POU5F1: variants seen among roughly 807,000 people sequenced by gnomAD.
POU5F1 encodes the protein POU domain, class 5, transcription factor 1.
Under a neutral mutation model 38.3 loss-of-function variants are expected in POU5F1, and 6 were observed. That is an observed-to-expected ratio of 0.16 (90% CI 0.09 to 0.31). The LOEUF is 0.31. POU5F1 is among the 10% of genes least tolerant of loss of function. The pLI is 1.00. For missense variants in POU5F1, 286 were observed against 462.6 expected, an observed-to-expected ratio of 0.62 and a Z score of 3.50; for synonymous variants, 147 against 194.9, an observed-to-expected ratio of 0.75 and a Z score of 2.05.
chr6:31,170,157 A>G, intron 1 of POU5F1, 59 bp downstream of exon 1: 1 of 1,611,544 alleles, frequency 6.2e-7, no homozygotes. Context: ...CCACTTCCCC[A>G]TCAGGCTGCC....
In POU5F1 at chr6:31,170,426, C is replaced by T. The variant is rs747375993; in HGVS notation, c.195G>A (p.Pro65=). The change falls in exon 1 of 5, where the codon CCG becomes CCA. Residue 65 remains proline (P), a synonymous_variant. Coordinates refer to ENST00000259915, the MANE Select transcript of POU5F1 (RefSeq NM_002701.6). ...CCATCCCCCCACAGAACTCATACGG[C>T]GGGGGGCATGGGGGAATCCCCCACA... ...SEVWGIPPCP[P]PYEFCGGMAY... The T allele has an allele frequency of 1.7e-5, 28 of 1,611,752 alleles. No individual in the cohort carries two copies. Among genetic ancestry groups the T allele is most frequent in the Non-Finnish European group, 2.0e-5 (24 of 1,179,624 alleles).
intron 1 of POU5F1, among the ~76,000 whole-genome samples, chr6:31,167,906 T>C (rs1037233658): frequency 4.0e-5 from 6 of 151,786 alleles, no homozygotes; most frequent in African/African-American, 1.5e-4. Flanking sequence ...GTTGCAGACA[T>C]AGTGACTTTG....
intron 1 of POU5F1, among the ~76,000 whole-genome samples, chr6:31,169,346 G>A (rs1424426053): frequency 6.6e-6 from 1 of 152,214 alleles, no homozygotes; most frequent in Non-Finnish European, 1.5e-5. Context: ...GAGGTCTCAA[G>A]GCTTAGTATT....
intron 1 of POU5F1, among the ~76,000 whole-genome samples, chr6:31,168,509 C>T (rs1011741112): frequency 1.3e-5 from 2 of 152,256 alleles, no homozygotes; most frequent in African/African-American, 4.8e-5. Context: ...TGCCTGGCCA[C>T]ACCTTTTAAA....
chr6:31,170,030 C>T (rs1199817437), intron 1 of POU5F1, 186 bp downstream of exon 1: 12 of 903,774 alleles, frequency 1.3e-5, no homozygotes, highest in Non-Finnish European at 1.8e-5. Flanking sequence ...GCTTCCACTT[C>T]CCACCTGGCC....
Position 31,170,248 on chromosome 6 carries a change from C to T in POU5F1, c.373G>A (p.Glu125Lys), listed in dbSNP as rs780359280. The change falls in exon 1 of 5, where the codon GAG becomes AAG. Residue 125 changes from glutamate to lysine, a missense_variant. Physicochemically the swap from Glu to Lys is moderately conservative, Grantham distance 56. Around this residue, in one of 2 missense-constraint regions of POU5F1, gnomAD observed 176 missense variants for 184.8 expected, o/e 0.95. Coordinates refer to ENST00000259915, the MANE Select transcript of POU5F1 (RefSeq NM_002701.6). Reference sequence around the variant, plus strand: ...GGGTTTTGCTCCAGCTTCTCCTTCTCCAGCTTCACGGCACCAGGGGTGACG... The same window carrying T: ...GGGTTTTGCTCCAGCTTCTCCTTCTTCAGCTTCACGGCACCAGGGGTGACG... Reference protein sequence around the residue: ...CTVTPGAVKLEKEKLEQNPEE... With the variant: ...CTVTPGAVKLKKEKLEQNPEE... The T allele has an allele frequency of 6.8e-6, 11 of 1,612,966 alleles. No individual in the cohort carries two copies. The highest frequency in any genetic ancestry group is 1.1e-5 in the South Asian group (1 of 91,078).
chr6:31,165,787 C>T lies in POU5F1; in HGVS notation c.527-86G>A, dbSNP rs551624054. 2.3e-5 allele frequency: 35 copies of T among 1,528,434 alleles called. No individual in the cohort carries two copies. In the African/African-American group the frequency reaches 5.2e-4, roughly 23 times the overall value. 94.7% of individuals were successfully genotyped at this position (1,528,434 alleles called of 1,614,324 possible). A position where few individuals can be genotyped will look rare whatever the true frequency, so the allele number is the denominator to read the frequency against. ...TGAGATCCAAGCTTACCACCTCTTC[C>T]CAGAGGGAGCTCAAAGCATCTTCTC... is the stretch of plus-strand genomic sequence containing the variant. On this transcript the variant is annotated intron_variant, in intron 2 of 4. Coordinates refer to ENST00000259915, the MANE Select transcript of POU5F1 (RefSeq NM_002701.6). This position sits in a 1 kb window ranked among gnomAD's most constrained non-coding sequence, Gnocchi z 6.5.
rs769344602 is a variant in POU5F1, at chr6:31,170,256, A to C, written c.365T>G (p.Val122Gly). The change falls in exon 1 of 5, where the codon GTG becomes GGG. Residue 122 changes from valine to glycine, a missense_variant. Transcript: ENST00000259915. ...PEPCTVTPGA[V>G]KLEKEKLEQN... ...CTCCAGCTTCTCCTTCTCCAGCTTC[A>C]CGGCACCAGGGGTGACGGTGCAGGG... 6.2e-7 allele frequency: 1 copy of C among 1,612,832 alleles called. No homozygotes were observed. Among genetic ancestry groups the C allele is most frequent in the South Asian group, 1.1e-5 (1 of 91,076 alleles).
At chr6:31,169,657 C>T (rs541847926) in intron 1 of POU5F1, among the ~76,000 whole-genome samples, 10 of 152,088 alleles carry the variant, frequency 6.6e-5, no homozygotes, top group East Asian at 1.9e-4. Context: ...CAGCTCACAA[C>T]GCGCACACAC....
Position 31,165,406 on chromosome 6 carries a change from C to T in POU5F1, c.658-120G>A. On this transcript the variant is annotated intron_variant, in intron 3 of 4. Transcript: ENST00000259915. This position sits in a 1 kb window ranked among gnomAD's most constrained non-coding sequence, Gnocchi z 6.5. ...GGTGGTGGTGTGAAAAGGCAGGATC[C>T]TGGAAGGGTTGGCTCTGGACCTTAT... 2 of 1,561,226 alleles carry T rather than the reference C, an allele frequency of 1.3e-6. No individual in the cohort carries two copies. The highest frequency in any genetic ancestry group is 1.2e-5 in the South Asian group (1 of 86,236).
rs562319329 is a variant in POU5F1 at position 31,170,222 on chromosome 6, C to T, written c.399G>A (p.Pro133=). ...CCCGTCGAAGCTCACTTGCCTCCTC[C>T]GGGTTTTGCTCCAGCTTCTCCTTCT... is the stretch of plus-strand genomic sequence containing the variant. ...KLEKEKLEQN[P]EESQDIKALQ... The change falls in exon 1 of 5, where the codon CCG becomes CCA. Residue 133 remains proline, a synonymous_variant. Transcript: ENST00000259915. 1.9e-5 allele frequency: 31 copies of T among 1,612,926 alleles called. No homozygotes were observed. The highest frequency in any genetic ancestry group is 3.3e-5 in the Admixed American group (2 of 60,022).
rs1362025857 is a variant in POU5F1, at chr6:31,165,676, G to A, written c.552C>T (p.Ile184=). Residue 184 remains isoleucine (I), a synonymous_variant, in exon 3 of 5, where the codon ATC becomes ATT. Transcript: ENST00000259915. The surrounding 1 kb of genome is among the most constrained non-coding windows in gnomAD (Gnocchi z 6.5). ...TAAGCTGCAGAGCCTCAAAGCGGCAGATGGTCGTTTGGCTGAATACCTTCC... is the reference window on the plus strand; with the variant it reads ...TAAGCTGCAGAGCCTCAAAGCGGCAAATGGTCGTTTGGCTGAATACCTTCC... ...LFGKVFSQTT[I]CRFEALQLSF... is the part of the protein sequence containing the mutation. 1 of 1,613,378 alleles carries A rather than the reference G, an allele frequency of 6.2e-7. No individual in the cohort carries two copies. The highest frequency in any genetic ancestry group is 8.5e-7 in the Non-Finnish European group (1 of 1,179,758).
chr6:31,167,824 G>A (rs906901359), intron 1 of POU5F1, among the ~76,000 whole-genome samples: 4 of 152,228 alleles, frequency 2.6e-5, no homozygotes, highest in African/African-American at 9.6e-5. Context: ...CAAAGGACAA[G>A]AGTCTAATGT....
chr6:31,166,750 G>A, intron 1 of POU5F1: 1 of 1,178,272 alleles, frequency 8.5e-7, no homozygotes, highest in South Asian at 2.3e-5. Context: ...TTTGAGATTA[G>A]AGAAATAGAT....
chr6:31,166,435 C>G, intron 1 of POU5F1: 1 of 1,357,376 alleles, frequency 7.4e-7, no homozygotes, highest in Non-Finnish European at 9.7e-7. Flanking sequence ...CCGAGGTGGG[C>G]AGATCACGAG....
In POU5F1 at chr6:31,170,570, A is replaced by G; in HGVS notation, c.51T>C (p.Gly17=). The G allele has an allele frequency of 1.3e-6, 2 of 1,567,604 alleles. No homozygotes were observed. Among genetic ancestry groups the G allele is most frequent in the South Asian group, 1.2e-5 (1 of 85,654 alleles). The change falls in exon 1 of 5, where the codon GGT becomes GGC. Residue 17 remains glycine (G), a synonymous_variant. Coordinates refer to ENST00000259915, the MANE Select transcript of POU5F1 (RefSeq NM_002701.6). The part of the protein sequence containing the change: ...SDFAFSPPPG[G]GGDGPGGPEP... ...CCGGCCCCCCTGGCCCATCACCTCC[A>G]CCACCTGGAGGGGGCGAGAAGGCGA...
rs1034391209 is a variant in POU5F1, at chr6:31,165,765, G to C, written c.527-64C>G. 3.2e-6 allele frequency: 5 copies of C among 1,572,984 alleles called. No individual in the cohort carries two copies. The African/African-American group carries it at 4.1e-5, about 13-fold the overall frequency. ...GCACGCAGGGCCCTTGTGACCCTGA[G>C]ATCCAAGCTTACCACCTCTTCCCAG... is the stretch of plus-strand genomic sequence containing the variant. On this transcript the variant is annotated intron_variant, in intron 2 of 4. Transcript: ENST00000259915. This position sits in a 1 kb window ranked among gnomAD's most constrained non-coding sequence, Gnocchi z 6.5.
intron 1 of POU5F1, among the ~76,000 whole-genome samples, chr6:31,167,930 G>C (rs1431380297): frequency 1.4e-5 from 2 of 138,428 alleles, no homozygotes; most frequent in Non-Finnish European, 3.1e-5. Flanking sequence ...TAGTCCAAGC[G>C]AAATGATCTC....
At chr6:31,167,500 G>A (rs891303594) in intron 1 of POU5F1, among the ~76,000 whole-genome samples, 1 of 152,088 alleles carries the variant, frequency 6.6e-6, no homozygotes, top group Admixed American at 6.6e-5. Flanking sequence ...TTGAGGTCAG[G>A]AGTTCAAGAC....
Sources: allele counts gnomAD v4.1 joint callset (sites outside exome capture counted in the v4.1 genomes callset), GRCh38; gene constraint gnomAD v4.1.1; regional missense constraint gnomAD v4.1.1; non-coding constraint Gnocchi (gnomAD v3.1); transcripts MANE v1.5; gene names NCBI Gene and HGNC (gene_info 2026-07-23, HGNC 2026-07-21).